Variants in SNTN observed in about 807,000 individuals in gnomAD.
SNTN encodes the protein sentan.
SNTN carries 13 observed loss-of-function variants against 12.3 expected under a neutral mutation model. The observed-to-expected ratio is 1.05, with a 90% CI of 0.69 to 1.67. SNTN has a LOEUF of 1.67. Ranked by LOEUF, SNTN falls within the 40% of genes most tolerant of loss-of-function variation. The probability of loss-of-function intolerance (pLI) is 0.00; values close to 1 mark genes in which losing one functional copy is unlikely to be tolerated. For missense variants in SNTN, 189 were observed against 169.8 expected, an observed-to-expected ratio of 1.11 and a Z score of -0.63; for synonymous variants, 69 against 58.5, an observed-to-expected ratio of 1.18 and a Z score of -0.82.
intron 1 of SNTN, among the ~76,000 whole-genome samples, chr3:63,653,446 A>G (rs1325735001): frequency 2.6e-5 from 4 of 152,196 alleles, no homozygotes; most frequent in Non-Finnish European, 5.9e-5. Context: ...GGAGGCACTC[A>G]CCAAGAAGAC....
At chr3:63,655,212 T>C (rs1700664016) in intron 2 of SNTN, among the ~76,000 whole-genome samples, 1 of 152,112 alleles carries the variant, frequency 6.6e-6, no homozygotes, top group African/African-American at 2.4e-5. Flanking sequence ...TGTGGCCACC[T>C]CTCGAAGTGT....
chr3:63,652,769 AC>A lies in SNTN; in HGVS notation c.84del (p.Cys29AlafsTer19). 2 of 1,613,944 alleles carry A rather than the reference AC, an allele frequency of 1.2e-6. No individual in the cohort carries two copies. The highest frequency in any genetic ancestry group is 1.1e-5 in the South Asian group (1 of 91,078). Reference protein sequence around the residue: ...DPNPSAAPTSTCAPRKMPKRI... With the variant: ...DPNPSAAPTSXCAPRKMPKRI... ...CAATCCTTCTGCAGCCCCAACATCC[AC>A]CTGCGCACCTAGGAAAATGCCCAAA... On this transcript the variant is annotated frameshift_variant, in exon 1 of 4. Transcript: ENST00000343837. LOFTEE classifies it high-confidence loss of function.
chr3:63,655,520 G>C lies in SNTN; in HGVS notation c.145+724G>C, dbSNP rs929833162. 8.5e-5 allele frequency among the ~76,000 whole-genome samples: 13 copies of C among 152,210 alleles called. No individual in the cohort carries two copies. In the East Asian group the frequency reaches 2.3e-3, roughly 27 times the overall value. ...TATTATTACAACACAGCAGACTGGT[G>C]ATTTATGTTTCAATAATTTACACAA... On this transcript the variant is annotated intron_variant, in intron 2 of 3. Transcript: ENST00000343837.
chr3:63,653,265 A>C (rs58812041), intron 1 of SNTN, among the ~76,000 whole-genome samples: 315 of 152,286 alleles, frequency 2.1e-3, no homozygotes, highest in African/African-American at 7.1e-3. Context: ...GGAGATATGG[A>C]TATGAACTGC....
intron 3 of SNTN, chr3:63,663,656 T>G (rs1700766779): frequency 2.1e-6 from 1 of 468,702 alleles, no homozygotes; most frequent in South Asian, 2.2e-5. Context: ...TCCCTCCTCC[T>G]CTTGCCCCCT....
chr3:63,663,222 C>T (rs970938461), intron 3 of SNTN, among the ~76,000 whole-genome samples: 1 of 152,096 alleles, frequency 6.6e-6, no homozygotes, highest in Non-Finnish European at 1.5e-5. Context: ...GGCTACAAAC[C>T]CTGGCTCCAC....
At chr3:63,652,884 C>A in intron 1 of SNTN, 87 bp downstream of exon 1, 1 of 1,278,676 alleles carries the variant, frequency 7.8e-7, no homozygotes, top group Non-Finnish European at 1.1e-6. Context: ...GCTTTATAAG[C>A]CAAGTTATTG....
At chr3:63,654,054 C>A (rs888220412) in intron 1 of SNTN, among the ~76,000 whole-genome samples, 1 of 152,198 alleles carries the variant, frequency 6.6e-6, no homozygotes, top group Non-Finnish European at 1.5e-5. Context: ...AGTGCCATTA[C>A]CCTCACTGTA....
At chr3:63,659,917 C>T in intron 3 of SNTN, 53 bp downstream of exon 3, 2 of 1,598,060 alleles carry the variant, frequency 1.3e-6, no homozygotes. Context: ...CATGGCTGAC[C>T]CAATGAGCAA....
At chr3:63,654,474 A>G (rs1413707926) in intron 1 of SNTN, among the ~76,000 whole-genome samples, 3 of 152,146 alleles carry the variant, frequency 2.0e-5, no homozygotes, top group Non-Finnish European at 2.9e-5. Context: ...CATGGAAGGT[A>G]TTCACTTCTC....
intron 2 of SNTN, among the ~76,000 whole-genome samples, chr3:63,658,974 G>A (rs924923099): frequency 6.6e-6 from 1 of 152,186 alleles, no homozygotes; most frequent in Non-Finnish European, 1.5e-5. Context: ...CTGGCCCATG[G>A]AGACTGCTTT....
chr3:63,655,186 G>T (rs1014657734), intron 2 of SNTN, among the ~76,000 whole-genome samples: 2 of 152,088 alleles, frequency 1.3e-5, no homozygotes, highest in African/African-American at 4.8e-5. Context: ...TGCCTCTGTT[G>T]ACTGAGTGGA....
At chr3:63,656,768 G>A (rs1407778241) in intron 2 of SNTN, among the ~76,000 whole-genome samples, 1 of 152,282 alleles carries the variant, frequency 6.6e-6, no homozygotes, top group African/African-American at 2.4e-5. Flanking sequence ...AAGCACAAAG[G>A]AAGGACATGT....
chr3:63,658,343 A>G (rs1033260615), intron 2 of SNTN, among the ~76,000 whole-genome samples: 1 of 148,900 alleles, frequency 6.7e-6, no homozygotes, highest in Admixed American at 6.7e-5. Flanking sequence ...TCCCAGACCC[A>G]CTCTGTAATT....
At chr3:63,654,310 C>T (rs1700652785) in intron 1 of SNTN, among the ~76,000 whole-genome samples, 1 of 152,100 alleles carries the variant, frequency 6.6e-6, no homozygotes, top group Admixed American at 6.5e-5. Context: ...TTTTTCTTTG[C>T]CATGTGACAG....
Position 63,659,991 on chromosome 3 carries a change from C to G in SNTN, c.285+127C>G, listed in dbSNP as rs912107092. ...TAACAAATGTTTATTGAACACCTAC[C>G]TTATGCCAGGCAGTGAGCTGCACTG... On this transcript the variant is annotated intron_variant, in intron 3 of 3. Coordinates refer to ENST00000343837, the MANE Select transcript of SNTN (RefSeq NM_001080537.2). 2.7e-6 allele frequency: 3 copies of G among 1,122,100 alleles called. No individual in the cohort carries two copies. In the African/African-American group the frequency reaches 4.7e-5, roughly 18 times the overall value. The allele number at this position is 1,122,100 out of a possible 1,614,324, so 69.5% of individuals were successfully genotyped here. A position where few individuals can be genotyped will look rare whatever the true frequency, so the allele number is the denominator to read the frequency against.
chr3:63,654,637 A>G, intron 1 of SNTN, 125 bp from the exon 2 acceptor site: 1 of 790,704 alleles, frequency 1.3e-6, no homozygotes, highest in Admixed American at 2.7e-5. Flanking sequence ...TGGCTGCTCC[A>G]CTAAAATCTC....
rs1401225892 is a variant in SNTN, at chr3:63,659,851, G to A, written c.272G>A (p.Arg91Lys). The A allele has an allele frequency of 1.9e-6, 3 of 1,613,832 alleles. No homozygotes were observed. The highest frequency in any genetic ancestry group is 1.7e-4 in the Middle Eastern group (1 of 6,060). ...IAKDLLQTQF[R>K]NFAEGQETKP... Reference sequence around the variant, plus strand: ...AAAGATCTGCTGCAAACCCAATTTAGGAATTTCGCAGAGGTGAGAGAATTA... The same window carrying A: ...AAAGATCTGCTGCAAACCCAATTTAAGAATTTCGCAGAGGTGAGAGAATTA... Residue 91 changes from arginine to lysine, a missense_variant, in exon 3 of 4, where the codon AGG becomes AAG. Arg to Lys is a conservative substitution (Grantham distance 26). Coordinates refer to ENST00000343837, the MANE Select transcript of SNTN (RefSeq NM_001080537.2).
chr3:63,653,346 C>T lies in SNTN; in HGVS notation c.110+549C>T, dbSNP rs569454959. On this transcript the variant is annotated intron_variant, in intron 1 of 3. Coordinates refer to ENST00000343837, the MANE Select transcript of SNTN (RefSeq NM_001080537.2). The stretch of plus-strand genomic sequence containing the variant: ...TCAATCATGGCAATAGAAAGAAATA[C>T]ATGCCATGTTACCAGTGCACATTGT... Among the ~76,000 whole-genome samples, 3 of 152,136 alleles carry T rather than the reference C, an allele frequency of 2.0e-5. No individual in the cohort carries two copies. The East Asian group carries it at 5.8e-4, about 30-fold the overall frequency.
Sources: gnomAD v4.1 joint callset for allele counts (sites outside exome capture counted in the v4.1 genomes callset) on GRCh38, gnomAD v4.1.1 for gene constraint, MANE v1.5 for transcripts, NCBI Gene and HGNC (gene_info 2026-07-23, HGNC 2026-07-21) for gene names.